Variants in ZNF148 observed in about 807,000 individuals in gnomAD.
ZNF148 encodes Beta-Enolase Repressor Factor-1.
A neutral mutation model predicts 67.7 loss-of-function variants in ZNF148; 7 were observed. That is an observed-to-expected ratio of 0.10 (90% CI 0.06 to 0.19). The LOEUF (loss-of-function observed/expected upper bound fraction) is 0.19, where lower values mean the gene tolerates loss of function less well. Among genes scored for constraint, ZNF148 ranks in the 10% least tolerant of loss-of-function variants. ZNF148 has a pLI of 1.00. For missense variants in ZNF148, 583 were observed against 947.1 expected (o/e 0.62, Z 5.05); for synonymous variants, 333 against 330.7 (o/e 1.01, Z -0.08).
intron 7 of ZNF148, among the ~76,000 whole-genome samples, chr3:125,258,935 A>C (rs1033458801): frequency 6.6e-6 from 1 of 152,194 alleles, no homozygotes; most frequent in Non-Finnish European, 1.5e-5. Flanking sequence ...CTATTTCAAA[A>C]AAATATGTTA....
At chr3:125,326,151 G>A (rs1281343356) in intron 2 of ZNF148, among the ~76,000 whole-genome samples, 1 of 152,034 alleles carries the variant, frequency 6.6e-6, no homozygotes, top group East Asian at 1.9e-4. Flanking sequence ...ACTAAAGGAA[G>A]CCCATTAAGC....
intron 3 of ZNF148, among the ~76,000 whole-genome samples, chr3:125,319,160 C>G (rs1019741412): frequency 6.6e-6 from 1 of 152,174 alleles, no homozygotes; most frequent in African/African-American, 2.4e-5. Context: ...TTACCTTTCT[C>G]CTGTCTACCA....
intron 7 of ZNF148, among the ~76,000 whole-genome samples, chr3:125,260,755 G>C (rs1325459840): frequency 6.6e-6 from 1 of 152,124 alleles, no homozygotes; most frequent in Non-Finnish European, 1.5e-5. Context: ...TATGTAAATT[G>C]TACATTAAAA....
At position 125,230,927 on chromosome 3, in the gene ZNF148, G is replaced by T. The variant is rs1291918159; in HGVS notation, c.*1414C>A. On this transcript the variant is annotated 3_prime_UTR_variant, in exon 9 of 9. Coordinates refer to ENST00000360647, the MANE Select transcript of ZNF148 (RefSeq NM_021964.3). ...AAACCATCATTCTTCAGAAAAGTGT[G>T]TGTGTGTATATATACATAAAAGCAC... The T allele has an allele frequency of 6.6e-6, 1 of 152,262 alleles. No individual in the cohort carries two copies. The highest frequency in any genetic ancestry group is 1.5e-5 in the Non-Finnish European group (1 of 67,914). 9.4% of individuals were successfully genotyped at this position (152,262 alleles called of 1,614,324 possible).
intron 4 of ZNF148, among the ~76,000 whole-genome samples, chr3:125,294,182 C>T (rs1389661654): frequency 3.9e-5 from 6 of 152,104 alleles, no homozygotes; most frequent in Non-Finnish European, 7.4e-5. Context: ...CTGACCAACA[C>T]TCATCAAAGT....
chr3:125,323,653 A>T (rs1010161202), intron 2 of ZNF148, among the ~76,000 whole-genome samples: 1 of 152,100 alleles, frequency 6.6e-6, no homozygotes, highest in African/African-American at 2.4e-5. Context: ...TGAGAAATAA[A>T]CTTGGCCTTA....
intron 3 of ZNF148, among the ~76,000 whole-genome samples, chr3:125,316,419 C>A (rs1372660500): frequency 6.6e-6 from 1 of 152,150 alleles, no homozygotes; most frequent in Non-Finnish European, 1.5e-5. Context: ...GAGGAACCAC[C>A]AAACTTTTCT....
intron 7 of ZNF148, among the ~76,000 whole-genome samples, chr3:125,267,041 T>A (rs1937546555): frequency 7.6e-6 from 1 of 130,796 alleles, no homozygotes; most frequent in South Asian, 2.4e-4. Context: ...GTTCCAAAAT[T>A]AAATCACTAA....
At chr3:125,237,524 G>A (rs1325148472) in intron 7 of ZNF148, among the ~76,000 whole-genome samples, 4 of 152,120 alleles carry the variant, frequency 2.6e-5, no homozygotes, top group Non-Finnish European at 5.9e-5. Context: ...GAAGGTTGTA[G>A]AGAGCCAAGA....
In ZNF148 at chr3:125,232,716, A is replaced by T. The variant is rs1452355207; in HGVS notation, c.2010T>A (p.Thr670=). 2 of 1,613,788 alleles carry T rather than the reference A, an allele frequency of 1.2e-6. No homozygotes were observed. The highest frequency in any genetic ancestry group is 2.2e-5 in the East Asian group (1 of 44,880). ...RSGMNSPLRT[T]PDKSHFGLIV... ...TTAGTCCAAAGTGGGACTTATCTGG[A>T]GTTGTTCTTAGTGGAGAATTCATTC... Residue 670 remains threonine, a synonymous_variant, in exon 9 of 9, where the codon ACT becomes ACA. Transcript: ENST00000360647. This position sits in a 1 kb window ranked among gnomAD's most constrained non-coding sequence, Gnocchi z 4.2.
chr3:125,336,822 G>A (rs1005890053), intron 1 of ZNF148, among the ~76,000 whole-genome samples: 14 of 151,056 alleles, frequency 9.3e-5, no homozygotes, highest in East Asian at 1.9e-4. Context: ...GACTACAGGC[G>A]CGTGCCTCCA....
intron 5 of ZNF148, 27 bp from the exon 6 acceptor site, chr3:125,279,274 C>G (rs1296860549): frequency 7.3e-7 from 1 of 1,365,168 alleles, no homozygotes; most frequent in Non-Finnish European, 9.7e-7. Context: ...AAGGCAAAAA[C>G]AAAAGAAATA....
chr3:125,337,466 T>C (rs1165691787), intron 1 of ZNF148, among the ~76,000 whole-genome samples: 2 of 152,186 alleles, frequency 1.3e-5, no homozygotes, highest in African/African-American at 2.4e-5. Context: ...TTAAGGTTAG[T>C]AAGCCACCAA....
chr3:125,281,444 C>A (rs939070365), intron 5 of ZNF148, among the ~76,000 whole-genome samples: 2 of 152,078 alleles, frequency 1.3e-5, no homozygotes, highest in Admixed American at 1.3e-4. Context: ...AACAAGACAG[C>A]ACCAGGTATT....
At chr3:125,370,427 T>C (rs73859179) in intron 1 of ZNF148, among the ~76,000 whole-genome samples, 2,101 of 152,362 alleles carry the variant, frequency 0.014, 55 homozygotes, top group African/African-American at 0.047. Flanking sequence ...TCAACAGGTA[T>C]TTATTAAGCA....
intron 4 of ZNF148, among the ~76,000 whole-genome samples, chr3:125,295,767 A>G (rs1939250627): frequency 1.3e-5 from 2 of 152,316 alleles, no homozygotes; most frequent in South Asian, 4.1e-4. Context: ...TAACTACAGT[A>G]CAGAGCAGTA....
chr3:125,284,105 G>A (rs1938535448), intron 5 of ZNF148, among the ~76,000 whole-genome samples: 1 of 152,042 alleles, frequency 6.6e-6, no homozygotes, highest in Admixed American at 6.6e-5. Context: ...CAGTTACTAA[G>A]GAGGTGGAAA....
chr3:125,260,993 A>C (rs909775754), intron 7 of ZNF148, among the ~76,000 whole-genome samples: 1 of 152,166 alleles, frequency 6.6e-6, no homozygotes, highest in South Asian at 2.1e-4. Context: ...GATTACTTCA[A>C]TTTGCTCAGT....
At position 125,279,631 on chromosome 3, in the gene ZNF148, T is replaced by C. The variant is rs904859831; in HGVS notation, c.460-384A>G. Among the ~76,000 whole-genome samples, 8 of 152,150 alleles carry C rather than the reference T, an allele frequency of 5.3e-5. No homozygotes were observed. The South Asian group carries it at 8.3e-4, about 16-fold the overall frequency. On this transcript the variant is annotated intron_variant, in intron 5 of 8. Transcript: ENST00000360647. ...AGACATGATCTAATATCAATCAGTATGGGGCTAATTAAATAAATCATGGAA... is the reference window on the plus strand; with the variant it reads ...AGACATGATCTAATATCAATCAGTACGGGGCTAATTAAATAAATCATGGAA...
Sources: allele counts gnomAD v4.1 joint callset (sites outside exome capture counted in the v4.1 genomes callset), GRCh38; gene constraint gnomAD v4.1.1; non-coding constraint Gnocchi (gnomAD v3.1); transcripts MANE v1.5; gene names NCBI Gene and HGNC (gene_info 2026-07-23, HGNC 2026-07-21).